The following PDE9A variants were observed in gnomAD, a reference collection of about 807,000 sequenced individuals.
PDE9A encodes the protein phosphodiesterase 9A, also known as high affinity cGMP-specific 3',5'-cyclic phosphodiesterase 9A.
Under a neutral mutation model 87.4 loss-of-function variants are expected in PDE9A, and 60 were observed. The ratio of observed to expected loss-of-function variants is 0.69; its 90% CI spans 0.56 to 0.85. PDE9A has a LOEUF of 0.85. Ranked by LOEUF, PDE9A falls within the 40% of genes least tolerant of loss-of-function variation. The pLI is 0.00. For synonymous variants in PDE9A, 272 were observed against 279.4 expected (o/e 0.97, Z 0.27); for missense variants, 665 against 779.0 (o/e 0.85, Z 1.74).
chr21:42,697,472 G>A (rs1273563544), intron 3 of PDE9A: 1 of 1,606,542 alleles, frequency 6.2e-7, no homozygotes, highest in African/African-American at 1.3e-5. Flanking sequence ...CTAGTAAGGA[G>A]TCATGGGCGT....
At chr21:42,682,261 C>T (rs942363987) in intron 1 of PDE9A, among the ~76,000 whole-genome samples, 13 of 152,244 alleles carry the variant, frequency 8.5e-5, no homozygotes, top group Non-Finnish European at 7.3e-5. Flanking sequence ...AGGAGTGAAG[C>T]AATGTTGAAA....
chr21:42,675,978 C>T lies in PDE9A; in HGVS notation c.70-10214C>T, dbSNP rs894060141. Among the ~76,000 whole-genome samples the T allele has an allele frequency of 4.6e-5, 7 of 152,136 alleles. No individual in the cohort carries two copies. Among genetic ancestry groups the T allele is most frequent in the African/African-American group, 1.4e-4 (6 of 41,404 alleles). On this transcript the variant is annotated intron_variant, in intron 1 of 19. Transcript: ENST00000291539. The surrounding 1 kb of genome is among the most constrained non-coding windows in gnomAD (Gnocchi z 4.3). ...TTAGTGCCATCCCCTTGGTGCTATCCTTGAGATAGTGAATTCTTGCAAGAT... is the reference window on the plus strand; with the variant it reads ...TTAGTGCCATCCCCTTGGTGCTATCTTTGAGATAGTGAATTCTTGCAAGAT...
At chr21:42,680,982 G>A (rs943390857) in intron 1 of PDE9A, among the ~76,000 whole-genome samples, 1 of 152,262 alleles carries the variant, frequency 6.6e-6, no homozygotes, top group African/African-American at 2.4e-5. Flanking sequence ...CTAGAGACTT[G>A]TGTGAAAATC....
At position 42,685,467 on chromosome 21, in the gene PDE9A, C is replaced by CT. The variant is rs765252066; in HGVS notation, c.70-709dup. Reference sequence around the variant, plus strand: ...CAGTCCCCAAATACCGAAAGGCAGTCTTTTTTTTTTTTTTTTGAGACGGAG... The same window carrying CT: ...CAGTCCCCAAATACCGAAAGGCAGTCTTTTTTTTTTTTTTTTTGAGACGGAG... On this transcript the variant is annotated intron_variant, in intron 1 of 19. Coordinates refer to ENST00000291539, the MANE Select transcript of PDE9A (RefSeq NM_002606.3). Among the ~76,000 whole-genome samples the CT allele has an allele frequency of 4.1e-3, 477 of 115,944 alleles. 16 individuals carry two copies. The highest frequency in any genetic ancestry group is 0.03 in the East Asian group (114 of 3,746). The allele number at this position is 115,944 out of a possible 152,430, so 76.1% of individuals were successfully genotyped here. A position where few individuals can be genotyped will look rare whatever the true frequency, so the allele number is the denominator to read the frequency against.
At chr21:42,686,810 G>A (rs1410842199) in intron 2 of PDE9A, among the ~76,000 whole-genome samples, 1 of 152,070 alleles carries the variant, frequency 6.6e-6, no homozygotes, top group South Asian at 2.1e-4. Flanking sequence ...GCGAGACTCC[G>A]CCTCAAAATA....
At chr21:42,714,665 C>G (rs1008205817) in intron 4 of PDE9A, among the ~76,000 whole-genome samples, 3 of 144,764 alleles carry the variant, frequency 2.1e-5, no homozygotes, top group Non-Finnish European at 3.0e-5. Context: ...ATTAGCTCTC[C>G]CAGTCTTTGT....
rs554077348 is a variant in PDE9A, at chr21:42,773,758, G to C, written c.1768+1238G>C. On this transcript the variant is annotated intron_variant, in intron 19 of 19. Coordinates refer to ENST00000291539, the MANE Select transcript of PDE9A (RefSeq NM_002606.3). ...GGAGATTGCCGTGAGCCAAGATCGC[G>C]CCACTGCACTCCAGCCTGGGCAACA... Among the ~76,000 whole-genome samples the C allele has an allele frequency of 7.7e-5, 11 of 142,524 alleles. No homozygotes were observed. The Admixed American group carries it at 8.2e-4, about 11-fold the overall frequency. The allele number at this position is 142,524 out of a possible 152,430, so 93.5% of individuals were successfully genotyped here. A position where few individuals can be genotyped will look rare whatever the true frequency, so the allele number is the denominator to read the frequency against.
At chr21:42,765,521 G>A in intron 15 of PDE9A, 27 bp downstream of exon 15, 1 of 1,332,536 alleles carries the variant, frequency 7.5e-7, no homozygotes, top group Non-Finnish European at 1.1e-6. Flanking sequence ...GCCTGGGTGG[G>A]CAGCCAGGCG....
intron 4 of PDE9A, among the ~76,000 whole-genome samples, chr21:42,728,535 G>A (rs2051377327): frequency 6.6e-6 from 1 of 152,090 alleles, no homozygotes; most frequent in South Asian, 2.1e-4. Context: ...TATATCCCCA[G>A]AATAAACCCC....
intron 1 of PDE9A, among the ~76,000 whole-genome samples, chr21:42,676,785 T>C (rs373524394): frequency 2.4e-4 from 36 of 152,352 alleles, no homozygotes; most frequent in African/African-American, 8.7e-4. Context: ...GTGGCTGCTC[T>C]TAGAAATCAG....
chr21:42,743,990 G>A, intron 8 of PDE9A, 130 bp downstream of exon 8: 3 of 639,880 alleles, frequency 4.7e-6, no homozygotes, highest in Non-Finnish European at 8.5e-6. Context: ...AGGCTTGGGA[G>A]AGTGCAGTCT....
At chr21:42,765,351 G>A (rs202133464) in intron 14 of PDE9A, 30 bp from the exon 15 acceptor site, 40 of 1,298,170 alleles carry the variant, frequency 3.1e-5, no homozygotes, top group East Asian at 7.0e-5. Flanking sequence ...GACTATACCC[G>A]TGTTAACACG....
chr21:42,745,829 G>A (rs762123345), intron 8 of PDE9A, among the ~76,000 whole-genome samples: 23 of 152,220 alleles, frequency 1.5e-4, no homozygotes, highest in Non-Finnish European at 3.1e-4. Context: ...CCAGCAGCAC[G>A]AGGGGAAGAG....
intron 18 of PDE9A, among the ~76,000 whole-genome samples, chr21:42,771,286 A>G (rs367710394): frequency 1.1e-4 from 16 of 152,218 alleles, no homozygotes; most frequent in African/African-American, 3.9e-4. Flanking sequence ...CTCAGGGGCC[A>G]GGGAGCCTGG....
At chr21:42,773,172 G>A (rs2057174987) in intron 19 of PDE9A, among the ~76,000 whole-genome samples, 1 of 149,116 alleles carries the variant, frequency 6.7e-6, no homozygotes, top group Non-Finnish European at 1.5e-5. Flanking sequence ...TGAGGCAGGA[G>A]AGTCACTTGA....
intron 4 of PDE9A, among the ~76,000 whole-genome samples, chr21:42,728,513 T>C (rs2051374370): frequency 6.6e-6 from 1 of 152,240 alleles, no homozygotes; most frequent in African/African-American, 2.4e-5. Flanking sequence ...TTCCCAAATA[T>C]TGAGCCAACC....
intron 4 of PDE9A, among the ~76,000 whole-genome samples, chr21:42,719,713 T>C (rs112296035): frequency 0.012 from 1,830 of 152,206 alleles, 43 homozygotes; most frequent in African/African-American, 0.041. Context: ...TTTGTAGATG[T>C]ACTATTGTGT....
chr21:42,670,675 GCATT>G (rs1394117417), intron 1 of PDE9A, among the ~76,000 whole-genome samples: 1 of 144,718 alleles, frequency 6.9e-6, no homozygotes, highest in Non-Finnish European at 1.5e-5. Flanking sequence ...ACATACACAT[GCATT>G]CACACACATG....
At position 42,659,358 on chromosome 21, in the gene PDE9A, C is replaced by G. The variant is rs2057317534; in HGVS notation, c.69+5475C>G. On this transcript the variant is annotated intron_variant, in intron 1 of 19. Coordinates refer to ENST00000291539, the MANE Select transcript of PDE9A (RefSeq NM_002606.3). This position sits in a 1 kb window ranked among gnomAD's most constrained non-coding sequence, Gnocchi z 4.1. ...CGCCCAATCTGGGAATCCAGGAGGGCTGGTCCCATAGAGTGGTGGGGACAT... is the reference window on the plus strand; with the variant it reads ...CGCCCAATCTGGGAATCCAGGAGGGGTGGTCCCATAGAGTGGTGGGGACAT... Among the ~76,000 whole-genome samples, 1 of 152,228 alleles carries G rather than the reference C, an allele frequency of 6.6e-6. No individual in the cohort carries two copies. The highest frequency in any genetic ancestry group is 1.5e-5 in the Non-Finnish European group (1 of 68,034).
Sources: allele counts gnomAD v4.1 joint callset (sites outside exome capture counted in the v4.1 genomes callset), GRCh38; gene constraint gnomAD v4.1.1; non-coding constraint Gnocchi (gnomAD v3.1); transcripts MANE v1.5; gene names NCBI Gene and HGNC (gene_info 2026-07-23, HGNC 2026-07-21).